The following FGF14 variants were observed in gnomAD, a reference collection of about 807,000 sequenced individuals.
FGF14 encodes fibroblast growth factor homologous factor 4.
Under a neutral mutation model 25.5 loss-of-function variants are expected in FGF14, and 5 were observed. The ratio of observed to expected loss-of-function variants is 0.20; its 90% confidence interval spans 0.10 to 0.41. The LOEUF is 0.41. FGF14 is among the 10% of genes least tolerant of loss of function. The pLI is 1.00. For missense variants in FGF14, 222 were observed against 320.1 expected (o/e 0.69, Z 2.34); for synonymous variants, 138 against 118.3 (o/e 1.17, Z -1.08).
rs543278340 is a variant in FGF14, at chr13:101,835,716, G to T, written c.408+33009C>A. On this transcript the variant is annotated intron_variant, in intron 3 of 4. Coordinates refer to ENST00000376143, the MANE Select transcript of FGF14 (RefSeq NM_004115.4). ...AAGTGGAGACACTGGCAAGATGGAG[G>T]TCTCTGGAGAGAATGGTTAGGGCAC... Among the ~76,000 whole-genome samples, 9 of 152,100 alleles carry T rather than the reference G, an allele frequency of 5.9e-5. No individual in the cohort carries two copies. The South Asian group carries it at 1.5e-3, about 25-fold the overall frequency.
In FGF14 at chr13:101,765,999, G is replaced by A. The variant is rs564064736; in HGVS notation, c.409-39189C>T. ...CCACCTTGGCCTCCCAAAGTGCTGGGATTACAGGCATGAGCCACTGTGCCT... is the reference window on the plus strand; with the variant it reads ...CCACCTTGGCCTCCCAAAGTGCTGGAATTACAGGCATGAGCCACTGTGCCT... On this transcript the variant is annotated intron_variant, in intron 3 of 4. Coordinates refer to ENST00000376143, the MANE Select transcript of FGF14 (RefSeq NM_004115.4). Among the ~76,000 whole-genome samples, 38 of 152,286 alleles carry A rather than the reference G, an allele frequency of 2.5e-4. No homozygotes were observed. The East Asian group carries it at 6.8e-3, about 27-fold the overall frequency.
At chr13:101,921,971 C>G (rs2139174263) in intron 1 of FGF14, among the ~76,000 whole-genome samples, 1 of 152,274 alleles carries the variant, frequency 6.6e-6, no homozygotes, top group South Asian at 2.1e-4. Flanking sequence ...CATGTACTTT[C>G]CTTATTTATT....
intron 1 of FGF14, among the ~76,000 whole-genome samples, chr13:101,940,201 G>C (rs781529524): frequency 4.6e-5 from 7 of 152,168 alleles, no homozygotes; most frequent in Non-Finnish European, 7.4e-5. Context: ...CACTGAAATA[G>C]GCAGGCTGTC....
At chr13:102,226,616 G>T (rs2050835717) in intron 1 of FGF14, among the ~76,000 whole-genome samples, 1 of 152,022 alleles carries the variant, frequency 6.6e-6, no homozygotes, top group Non-Finnish European at 1.5e-5. Flanking sequence ...GTCTCCTTTT[G>T]TAAGTTCTGT....
chr13:101,769,313 A>C (rs1286228472), intron 3 of FGF14, among the ~76,000 whole-genome samples: 1 of 151,934 alleles, frequency 6.6e-6, no homozygotes, highest in Non-Finnish European at 1.5e-5. Context: ...CTGACAAGAA[A>C]GTATTAGACA....
intron 1 of FGF14, among the ~76,000 whole-genome samples, chr13:102,182,718 A>G (rs1462789707): frequency 6.6e-6 from 1 of 152,148 alleles, no homozygotes; most frequent in Non-Finnish European, 1.5e-5. Context: ...CAAGTTTGTT[A>G]AAAGGAAAAT....
intron 1 of FGF14, among the ~76,000 whole-genome samples, chr13:102,144,143 G>A (rs1029786413): frequency 1.3e-5 from 2 of 152,256 alleles, no homozygotes; most frequent in African/African-American, 4.8e-5. Flanking sequence ...AGCCTACTGA[G>A]TAGCTGGAAA....
chr13:101,904,919 T>C (rs929199373), intron 1 of FGF14, among the ~76,000 whole-genome samples: 6 of 152,312 alleles, frequency 3.9e-5, no homozygotes, highest in Non-Finnish European at 8.8e-5. Context: ...TTTTCCAAAA[T>C]GCAAAGGCAT....
chr13:102,211,925 A>G (rs2050178799), intron 1 of FGF14, among the ~76,000 whole-genome samples: 1 of 152,128 alleles, frequency 6.6e-6, no homozygotes, highest in Non-Finnish European at 1.5e-5. Flanking sequence ...ATTTTGCTCA[A>G]TTTTTCTCGT....
At chr13:101,728,138 T>G (rs1186089789) in intron 3 of FGF14, among the ~76,000 whole-genome samples, 10 of 152,140 alleles carry the variant, frequency 6.6e-5, no homozygotes, top group Admixed American at 6.6e-4. Flanking sequence ...TCAAATGCTG[T>G]CTCATGCAGG....
chr13:101,811,035 C>CCCCGT (rs778574843), intron 3 of FGF14, among the ~76,000 whole-genome samples: 2 of 16,350 alleles, frequency 1.2e-4, no homozygotes, highest in Non-Finnish European at 4.5e-4. Flanking sequence ...CATATCCGCC[C>CCCCGT]CCCCCGGCCC....
At chr13:102,039,273 A>G (rs1378646201) in intron 1 of FGF14, among the ~76,000 whole-genome samples, 2 of 152,092 alleles carry the variant, frequency 1.3e-5, no homozygotes, top group Non-Finnish European at 2.9e-5. Flanking sequence ...TTTTTCTTTC[A>G]CCAGATGGAA....
At chr13:101,895,877 G>A (rs1420134261) in intron 1 of FGF14, among the ~76,000 whole-genome samples, 1 of 152,164 alleles carries the variant, frequency 6.6e-6, no homozygotes, top group African/African-American at 2.4e-5. Context: ...AAATGGTCAC[G>A]TTTCCTGGTG....
intron 3 of FGF14, among the ~76,000 whole-genome samples, chr13:101,799,809 A>G (rs1248193726): frequency 3.3e-5 from 5 of 152,130 alleles, no homozygotes; most frequent in African/African-American, 1.2e-4. Context: ...GACTTTATAA[A>G]AATGCTCAAA....
chr13:102,332,908 A>G (rs1231314645), intron 1 of FGF14, among the ~76,000 whole-genome samples: 1 of 152,188 alleles, frequency 6.6e-6, no homozygotes, highest in Admixed American at 6.6e-5. Context: ...AATCAGAACT[A>G]AGACCAGAAG....
intron 1 of FGF14, among the ~76,000 whole-genome samples, chr13:102,163,185 T>G (rs1205521777): frequency 6.6e-6 from 1 of 152,222 alleles, no homozygotes; most frequent in Non-Finnish European, 1.5e-5. Context: ...ATTAATAACC[T>G]GTCATAGATG....
chr13:102,186,392 C>T (rs1041373034), intron 1 of FGF14, among the ~76,000 whole-genome samples: 4 of 152,048 alleles, frequency 2.6e-5, no homozygotes, highest in African/African-American at 9.7e-5. Flanking sequence ...ATTTTTACAA[C>T]AATATTAATA....
intron 1 of FGF14, among the ~76,000 whole-genome samples, chr13:102,375,803 C>T (rs1186862048): frequency 6.6e-6 from 1 of 152,082 alleles, no homozygotes; most frequent in African/African-American, 2.4e-5. Flanking sequence ...AATCTTGTTC[C>T]TTAAAAAGAT....
At chr13:101,956,219 G>A (rs6491653) in intron 1 of FGF14, among the ~76,000 whole-genome samples, 28,434 of 152,100 alleles carry the variant, frequency 0.19, 2,797 homozygotes, top group East Asian at 0.41. Context: ...ACATATTCAT[G>A]TGATAAATTG....
Sources: allele counts gnomAD v4.1 joint callset (sites outside exome capture counted in the v4.1 genomes callset), GRCh38; gene constraint gnomAD v4.1.1; transcripts MANE v1.5; gene names NCBI Gene and HGNC (gene_info 2026-07-23, HGNC 2026-07-21).